LRRC56: variants seen among roughly 807,000 people sequenced by gnomAD.
The protein encoded by LRRC56 is leucine rich repeat containing 56, also known as leucine-rich repeat-containing protein 56.
Under a neutral mutation model 47.8 loss-of-function variants are expected in LRRC56, and 41 were observed. The ratio of observed to expected loss-of-function variants is 0.86; its 90% confidence interval spans 0.67 to 1.11. The LOEUF (loss-of-function observed/expected upper bound fraction) is 1.11. Among genes scored for constraint, LRRC56 ranks in the 50% most tolerant of loss-of-function variants. The probability of loss-of-function intolerance (pLI) is 0.00; values close to 1 mark genes in which losing one functional copy is unlikely to be tolerated. For synonymous variants in LRRC56, 387 were observed against 311.2 expected (o/e 1.24, Z -2.56); for missense variants, 759 against 704.2 (o/e 1.08, Z -0.88).
the LRRC56 span, among the ~76,000 whole-genome samples, chr11:518,230 T>G: frequency 9.9e-5 from 15 of 152,082 alleles, no homozygotes; most frequent in Non-Finnish European, 5.9e-5. Context: ...TCGCCTAGGC[T>G]GGAGTGCAGT....
chr11:551,872 G>C (rs748675002), intron 10 of LRRC56, 31 bp from the exon 11 acceptor site: 5 of 1,611,196 alleles, frequency 3.1e-6, no homozygotes, highest in Non-Finnish European at 4.2e-6. Flanking sequence ...CCTCGGCCCC[G>C]AACCAGGCCC....
chr11:519,342 G>C, the LRRC56 span, among the ~76,000 whole-genome samples: 2,291 of 36,704 alleles, frequency 0.062, 90 homozygotes, highest in Admixed American at 0.18. Context: ...TAGAACGCGG[G>C]CTGATACACA....
chr11:544,345 C>T (rs1851965399), intron 5 of LRRC56, among the ~76,000 whole-genome samples: 1 of 152,206 alleles, frequency 6.6e-6, no homozygotes. Context: ...TCTTGGAGCC[C>T]AGTGGCCTCC....
At chr11:509,166 G>A in the LRRC56 span, among the ~76,000 whole-genome samples, 3 of 152,148 alleles carry the variant, frequency 2.0e-5, no homozygotes, top group African/African-American at 7.2e-5. Flanking sequence ...TCCTGCACAC[G>A]TGAGCTTGGT....
At chr11:509,104 A>C in the LRRC56 span, among the ~76,000 whole-genome samples, 1,857 of 151,630 alleles carry the variant, frequency 0.012, 15 homozygotes, top group Non-Finnish European at 0.018. Context: ...ACACACACAC[A>C]CCCCCAAGAA....
chr11:529,690 GACCAGATGGGCTCAGTGGAGAAGCTGACC>G, the LRRC56 span: 1 of 152,354 alleles, frequency 6.6e-6, no homozygotes, highest in Non-Finnish European at 1.5e-5. Flanking sequence ...GCCCCGGGAA[GACCAGATGGGCTCAGTGGAGAAGCTGACC>G]ACATCTGCTT....
upstream of LRRC56, chr11:535,536 T>C (rs911094405): frequency 3.7e-4 from 54 of 147,652 alleles, no homozygotes; most frequent in African/African-American, 1.1e-3. Flanking sequence ...CGGCTCGGGT[T>C]GCGGGCGCAG....
At chr11:550,388 C>T (rs1479386747) in intron 8 of LRRC56, 116 bp downstream of exon 8, 18 of 969,206 alleles carry the variant, frequency 1.9e-5, no homozygotes, top group Non-Finnish European at 2.4e-5. Context: ...CACCCTATGG[C>T]CTGCTCACCA....
chr11:511,476 C>G, the LRRC56 span, among the ~76,000 whole-genome samples: 3 of 152,194 alleles, frequency 2.0e-5, no homozygotes, highest in Admixed American at 1.3e-4. Flanking sequence ...GGTGACAGGA[C>G]TGCTCCTAAG....
chr11:530,465 AGAGAAGGGCGAGTGTGGCG>A, the LRRC56 span, among the ~76,000 whole-genome samples: 3 of 134,744 alleles, frequency 2.2e-5, no homozygotes, highest in East Asian at 2.1e-4. Context: ...CGTCCCCTGG[AGAGAAGGGCGAGTGTGGCG>A]TCCCCTGGAG....
At chr11:508,056 C>T in the LRRC56 span, among the ~76,000 whole-genome samples, 4 of 152,232 alleles carry the variant, frequency 2.6e-5, no homozygotes, top group South Asian at 4.1e-4. Flanking sequence ...TTGACTAGTC[C>T]GCAATTCACA....
intron 5 of LRRC56, among the ~76,000 whole-genome samples, chr11:544,000 A>G (rs575615761): frequency 1.1e-4 from 17 of 152,184 alleles, no homozygotes; most frequent in East Asian, 7.8e-4. Flanking sequence ...CACCCACCTC[A>G]GCCTCCCAAA....
chr11:543,886 C>T (rs1431875214), intron 5 of LRRC56, among the ~76,000 whole-genome samples: 1 of 152,174 alleles, frequency 6.6e-6, no homozygotes, highest in African/African-American at 2.4e-5. Context: ...GTAGCTGGGA[C>T]TACAGGCGCC....
rs896224368 is a variant in LRRC56 at position 554,392 on chromosome 11, C to T, written c.*116C>T. On this transcript the variant is annotated 3_prime_UTR_variant, in exon 14 of 14. Transcript: ENST00000270115. ...TGGGGGGTGGAAGGAGTGCCTGGCC[C>T]TGGGGAGGACCCTCTTGGTGGAGGG... The T allele has an allele frequency of 1.1e-6, 1 of 909,034 alleles. No individual in the cohort carries two copies. The highest frequency in any genetic ancestry group is 1.5e-6 in the Non-Finnish European group (1 of 660,486). 56.3% of individuals were successfully genotyped at this position (909,034 alleles called of 1,614,324 possible).
intron 8 of LRRC56, among the ~76,000 whole-genome samples, chr11:550,808 C>T (rs1483114068): frequency 6.6e-6 from 1 of 152,134 alleles, no homozygotes; most frequent in Non-Finnish European, 1.5e-5. Flanking sequence ...CTGAGGTCAG[C>T]GTCTACCAGT....
chr11:518,744 G>A, the LRRC56 span, among the ~76,000 whole-genome samples: 12 of 152,168 alleles, frequency 7.9e-5, no homozygotes, highest in African/African-American at 2.9e-4. Context: ...CGGACGCCCA[G>A]GAGCCGGCCC....
At chr11:544,926 C>A in intron 6 of LRRC56, 146 bp downstream of exon 6, 1 of 812,530 alleles carries the variant, frequency 1.2e-6, no homozygotes, top group Non-Finnish European at 2.0e-6. Context: ...CTCCATCCTG[C>A]TGGCTGCCTG....
upstream of LRRC56, chr11:535,195 A>T (rs1481690484): frequency 6.6e-6 from 1 of 151,112 alleles, no homozygotes; most frequent in African/African-American, 2.4e-5. Context: ...TGGGGCCCGG[A>T]TTCCCGCAGG....
chr11:553,214 G>C (rs950060621), intron 13 of LRRC56, among the ~76,000 whole-genome samples: 1 of 152,210 alleles, frequency 6.6e-6, no homozygotes, highest in Non-Finnish European at 1.5e-5. Flanking sequence ...CTTTACGAAG[G>C]ACACTGACTT....
Sources: allele counts gnomAD v4.1 joint callset (sites outside exome capture counted in the v4.1 genomes callset), GRCh38; gene constraint gnomAD v4.1.1; transcripts MANE v1.5; gene names NCBI Gene and HGNC (gene_info 2026-07-23, HGNC 2026-07-21).